Variants in KCND2 observed in about 807,000 individuals in gnomAD.
KCND2 encodes A-type voltage-gated potassium channel KCND2.
A neutral mutation model predicts 54.4 loss-of-function variants in KCND2; 16 were observed. That is an observed-to-expected ratio of 0.29 (90% CI 0.20 to 0.45). The LOEUF is 0.45. Among genes scored for constraint, KCND2 ranks in the 20% least tolerant of loss-of-function variants. The pLI is 1.00. For synonymous variants in KCND2, 317 were observed against 310.7 expected, an observed-to-expected ratio of 1.02 and a Z score of -0.21; for missense variants, 486 against 824.2, an observed-to-expected ratio of 0.59 and a Z score of 5.02.
chr7:120,658,956 T>C (rs1791835493), intron 1 of KCND2, among the ~76,000 whole-genome samples: 1 of 152,180 alleles, frequency 6.6e-6, no homozygotes. Flanking sequence ...CCTTCAAACT[T>C]AAACACCTAG....
intron 1 of KCND2, among the ~76,000 whole-genome samples, chr7:120,335,113 C>T (rs1740202795): frequency 1.3e-5 from 2 of 151,984 alleles, no homozygotes; most frequent in East Asian, 1.9e-4. Flanking sequence ...ACCTGTAATC[C>T]CAGCACTTTG....
chr7:120,456,009 T>C (rs1472913022), intron 1 of KCND2, among the ~76,000 whole-genome samples: 1 of 152,120 alleles, frequency 6.6e-6, no homozygotes, highest in Admixed American at 6.5e-5. Context: ...TGTACACTTA[T>C]GGGAAATTAT....
intron 1 of KCND2, among the ~76,000 whole-genome samples, chr7:120,645,141 A>G (rs1793423309): frequency 6.6e-6 from 1 of 152,220 alleles, no homozygotes; most frequent in Non-Finnish European, 1.5e-5. Flanking sequence ...AGTTCTCACA[A>G]CTAAATAAAG....
At chr7:120,412,625 C>T in intron 1 of KCND2, among the ~76,000 whole-genome samples, 1 of 151,964 alleles carries the variant, frequency 6.6e-6, no homozygotes, top group Middle Eastern at 3.2e-3. Flanking sequence ...TTCCTCTCAC[C>T]CTGAGCTTCC....
rs79676596 is a variant in KCND2 at position 120,453,464 on chromosome 7, C to A, written c.1115+177717C>A. The stretch of plus-strand genomic sequence containing the variant: ...AGAACATGTGCAGGAATGCTGGTGA[C>A]CCCACCCAATCCTGCACTGCCACTG... On this transcript the variant is annotated intron_variant, in intron 1 of 5. Transcript: ENST00000331113. Among the ~76,000 whole-genome samples, 254 of 152,266 alleles carry A rather than the reference C, an allele frequency of 1.7e-3. 3 individuals carry two copies. In the East Asian group the frequency reaches 0.041, roughly 24 times the overall value.
At chr7:120,659,509 A>G (rs1562901380) in intron 1 of KCND2, among the ~76,000 whole-genome samples, 1 of 152,188 alleles carries the variant, frequency 6.6e-6, no homozygotes, top group African/African-American at 2.4e-5. Flanking sequence ...CGTATATACA[A>G]TAGTGGAAAA....
chr7:120,521,751 A>G (rs1443819514), intron 1 of KCND2, among the ~76,000 whole-genome samples: 3 of 152,184 alleles, frequency 2.0e-5, no homozygotes, highest in African/African-American at 7.2e-5. Flanking sequence ...TCTATAATAT[A>G]TATGTGAGTG....
intron 1 of KCND2, among the ~76,000 whole-genome samples, chr7:120,398,407 C>A (rs1801192144): frequency 6.6e-6 from 1 of 151,948 alleles, no homozygotes; most frequent in Non-Finnish European, 1.5e-5. Context: ...GACTAGGATA[C>A]AAAGACCAGT....
intron 1 of KCND2, among the ~76,000 whole-genome samples, chr7:120,373,662 T>A (rs1413783711): frequency 6.6e-6 from 1 of 151,850 alleles, no homozygotes; most frequent in Non-Finnish European, 1.5e-5. Flanking sequence ...CCTTTATAAC[T>A]TGAATGTATA....
chr7:120,737,080 A>ACACAAAC (rs1792882500), intron 2 of KCND2, among the ~76,000 whole-genome samples: 3 of 134,384 alleles, frequency 2.2e-5, no homozygotes, highest in African/African-American at 8.5e-5. Flanking sequence ...ACACACAAAC[A>ACACAAAC]AAAAAAAAAA....
At chr7:120,522,434 T>C (rs560271140) in intron 1 of KCND2, among the ~76,000 whole-genome samples, 20 of 152,162 alleles carry the variant, frequency 1.3e-4, no homozygotes, top group Non-Finnish European at 2.5e-4. Context: ...TAGTTACTCC[T>C]TCCAAGATAG....
intron 1 of KCND2, among the ~76,000 whole-genome samples, chr7:120,381,358 C>T (rs983706180): frequency 6.6e-6 from 1 of 152,032 alleles, no homozygotes; most frequent in African/African-American, 2.4e-5. Context: ...AAATATTACA[C>T]ATAATACAAT....
At chr7:120,289,763 G>A (rs532920406) in intron 1 of KCND2, among the ~76,000 whole-genome samples, 24 of 152,096 alleles carry the variant, frequency 1.6e-4, no homozygotes, top group African/African-American at 5.5e-4. Flanking sequence ...TGGAAGCATC[G>A]ACCTGCATTT....
chr7:120,711,480 C>T (rs1467000708), intron 1 of KCND2, among the ~76,000 whole-genome samples: 3 of 152,076 alleles, frequency 2.0e-5, no homozygotes, highest in African/African-American at 7.2e-5. Flanking sequence ...TTAAGAAATT[C>T]TAGAGGCCCA....
chr7:120,533,985 C>T (rs73437865), intron 1 of KCND2, among the ~76,000 whole-genome samples: 1,605 of 152,028 alleles, frequency 0.011, 32 homozygotes, highest in African/African-American at 0.037. Flanking sequence ...CACAACTGAA[C>T]GATTTTGAAA....
intron 1 of KCND2, among the ~76,000 whole-genome samples, chr7:120,555,347 T>C (rs1187797484): frequency 1.3e-5 from 2 of 152,154 alleles, no homozygotes; most frequent in Non-Finnish European, 2.9e-5. Context: ...TGAGACAGGG[T>C]CTGGCTGTGT....
intron 1 of KCND2, among the ~76,000 whole-genome samples, chr7:120,483,640 G>A (rs930092080): frequency 3.9e-5 from 6 of 152,248 alleles, no homozygotes; most frequent in Non-Finnish European, 5.9e-5. Context: ...AAGCGTCAAA[G>A]TAACCAAGAG....
At chr7:120,614,424 C>T (rs1486934589) in intron 1 of KCND2, among the ~76,000 whole-genome samples, 1 of 152,174 alleles carries the variant, frequency 6.6e-6, no homozygotes, top group Non-Finnish European at 1.5e-5. Context: ...GACCTCAGCT[C>T]CCCTTCAGCT....
chr7:120,611,895 A>T (rs546756229), intron 1 of KCND2, among the ~76,000 whole-genome samples: 2 of 152,206 alleles, frequency 1.3e-5, no homozygotes, highest in African/African-American at 4.8e-5. Context: ...TCTTTGGCTC[A>T]TGGTGTTTAG....
Sources: gnomAD v4.1 joint callset for allele counts (sites outside exome capture counted in the v4.1 genomes callset) on GRCh38, gnomAD v4.1.1 for gene constraint, MANE v1.5 for transcripts, NCBI Gene and HGNC (gene_info 2026-07-23, HGNC 2026-07-21) for gene names.